The following POP1 variants were observed in gnomAD, a reference collection of about 807,000 sequenced individuals.
The protein encoded by POP1 is POP1 ribonuclease P/MRP subunit, also known as ribonucleases P/MRP protein subunit POP1.
A neutral mutation model predicts 102.2 loss-of-function variants in POP1; 75 were observed. The ratio of observed to expected loss-of-function variants is 0.73; its 90% CI spans 0.61 to 0.89. The LOEUF is 0.89. Among genes scored for constraint, POP1 ranks in the 40% least tolerant of loss-of-function variants. The pLI is 0.00. For missense variants in POP1, 1,116 were observed against 1,267.4 expected (o/e 0.88, Z 1.81); for synonymous variants, 436 against 464.1 (o/e 0.94, Z 0.78).
chr8:98,141,285 C>T (rs1031208434), intron 11 of POP1, among the ~76,000 whole-genome samples: 1 of 151,942 alleles, frequency 6.6e-6, no homozygotes, highest in East Asian at 1.9e-4. Context: ...GATCCAGGTT[C>T]GAATCCTGGC....
intron 12 of POP1, among the ~76,000 whole-genome samples, chr8:98,148,446 T>C (rs1809417677): frequency 6.6e-6 from 1 of 152,226 alleles, no homozygotes; most frequent in Admixed American, 6.5e-5. Flanking sequence ...TAGTTGCCCA[T>C]CCTTGAGAAG....
intron 11 of POP1, among the ~76,000 whole-genome samples, chr8:98,145,497 A>G (rs1335314861): frequency 3.3e-5 from 5 of 152,200 alleles, no homozygotes; most frequent in South Asian, 2.1e-4. Context: ...CCTTCTATCA[A>G]TATAGAAGTT....
intron 5 of POP1, among the ~76,000 whole-genome samples, chr8:98,133,154 C>T (rs1433963232): frequency 6.6e-6 from 1 of 151,882 alleles, no homozygotes; most frequent in Non-Finnish European, 1.5e-5. Flanking sequence ...GAAGTTGAGA[C>T]TTCTGTGAGC....
intron 14 of POP1, among the ~76,000 whole-genome samples, chr8:98,155,242 A>C (rs775141172): frequency 6.6e-5 from 10 of 152,192 alleles, no homozygotes; most frequent in Non-Finnish European, 1.0e-4. Flanking sequence ...AGACCAAAGA[A>C]AACAAAAAAG....
In POP1 at chr8:98,127,775, A is replaced by G. The variant is rs377601251; in HGVS notation, c.310+13A>G. On this transcript the variant is annotated intron_variant, in intron 3 of 15. Coordinates refer to ENST00000401707, the MANE Select transcript of POP1 (RefSeq NM_001145860.2). Reference sequence around the variant, plus strand: ...AAGTATATAACTGGTGGGTACTCATAAAGAGGTGCAGTTTGCTTGTATTTT... The same window carrying G: ...AAGTATATAACTGGTGGGTACTCATGAAGAGGTGCAGTTTGCTTGTATTTT... 6 of 1,612,998 alleles carry G rather than the reference A, an allele frequency of 3.7e-6. No individual in the cohort carries two copies. The East Asian group carries it at 1.3e-4, about 36-fold the overall frequency.
chr8:98,154,391 G>A (rs1451945418), intron 14 of POP1, among the ~76,000 whole-genome samples: 1 of 152,204 alleles, frequency 6.6e-6, no homozygotes, highest in African/African-American at 2.4e-5. Context: ...CGAGCCGCAG[G>A]GAGGTGCTAG....
intron 8 of POP1, 34 bp downstream of exon 8, chr8:98,136,772 A>T: frequency 6.2e-7 from 1 of 1,612,368 alleles, no homozygotes; most frequent in African/African-American, 1.3e-5. Flanking sequence ...CCTACTGAAC[A>T]TTTTCAGTGA....
At chr8:98,117,979 A>G (rs1219045048) in intron 1 of POP1, 1 of 152,096 alleles carries the variant, frequency 6.6e-6, no homozygotes, top group Non-Finnish European at 1.5e-5. Context: ...ACTCATAGAT[A>G]TATGAGTCCC....
chr8:98,156,190 G>A lies in POP1; in HGVS notation c.2198G>A (p.Gly733Asp), dbSNP rs753006057. ...CCTTCTGTAGCTTCATCTCCAAATG[G>A]TAAGGAGAGTGACCTAAGAAGATCT... is the stretch of plus-strand genomic sequence containing the variant. ...EEPSVASSPN[G>D]KESDLRRSEV... The change falls in exon 15 of 16, where the codon GGT becomes GAT. Residue 733 changes from glycine to aspartate, a missense_variant. Transcript: ENST00000401707. The A allele has an allele frequency of 2.5e-6, 4 of 1,614,050 alleles. No homozygotes were observed. In the Admixed American group the frequency reaches 6.7e-5, roughly 27 times the overall value.
chr8:98,145,484 G>A (rs539824630), intron 11 of POP1, among the ~76,000 whole-genome samples: 1 of 152,304 alleles, frequency 6.6e-6, no homozygotes, highest in African/African-American at 2.4e-5. Context: ...CATGTAGGAA[G>A]TTCCTTCTAT....
rs754188245 is a variant in POP1, at chr8:98,158,056, C to T, written c.2860C>T (p.Arg954Cys). ...AGGGCTGTGGTCAGGCCCTCTGCCG[C>T]GTGTGACGTTGCACTGCTCCAGAAC... ...TLGLWSGPLP[R>C]VTLHCSRTLL... The change falls in exon 16 of 16, where the codon CGT becomes TGT. Residue 954 changes from arginine to cysteine, a missense_variant. Physicochemically the swap from Arg to Cys is radical, Grantham distance 180. Coordinates refer to ENST00000401707, the MANE Select transcript of POP1 (RefSeq NM_001145860.2). 26 of 1,609,746 alleles carry T rather than the reference C, an allele frequency of 1.6e-5. 1 individual carries two copies. The highest frequency in any genetic ancestry group is 1.3e-4 in the South Asian group (12 of 91,074).
chr8:98,154,010 T>C (rs567284481), intron 14 of POP1, among the ~76,000 whole-genome samples: 53 of 152,262 alleles, frequency 3.5e-4, no homozygotes, highest in African/African-American at 1.2e-3. Context: ...ACACTCCTGA[T>C]TGTGACTGTC....
rs59930167 is a variant in POP1 at position 98,132,901 on chromosome 8, C to G, written c.736-1048C>G. Among the ~76,000 whole-genome samples the G allele has an allele frequency of 3.0e-4, 25 of 83,758 alleles. No individual in the cohort carries two copies. The East Asian group carries it at 8.5e-3, about 29-fold the overall frequency. The allele number at this position is 83,758 out of a possible 152,430, so 54.9% of individuals were successfully genotyped here. On this transcript the variant is annotated intron_variant, in intron 5 of 15. Coordinates refer to ENST00000401707, the MANE Select transcript of POP1 (RefSeq NM_001145860.2). ...TCTGGGCAACATAGTGAGACTCTGT[C>G]TCTGCAAAAAAAAAAAAAAAAAAAA... is the stretch of plus-strand genomic sequence containing the variant.
Position 98,128,348 on chromosome 8 carries a change from G to T in POP1, c.311-17G>T, listed in dbSNP as rs1192826448. On this transcript the variant is annotated splice_polypyrimidine_tract_variant and intron_variant, in intron 3 of 15. Coordinates refer to ENST00000401707, the MANE Select transcript of POP1 (RefSeq NM_001145860.2). Reference sequence around the variant, plus strand: ...TTCAAGATTGGTGTTTAATGACTTTGTCATCTCCTTCAACAGCTTCTACTT... The same window carrying T: ...TTCAAGATTGGTGTTTAATGACTTTTTCATCTCCTTCAACAGCTTCTACTT... 3 of 1,612,898 alleles carry T rather than the reference G, an allele frequency of 1.9e-6. No homozygotes were observed. The highest frequency in any genetic ancestry group is 2.5e-6 in the Non-Finnish European group (3 of 1,179,616).
intron 14 of POP1, chr8:98,155,838 G>A (rs951029316): frequency 2.8e-5 from 15 of 538,700 alleles, no homozygotes; most frequent in Non-Finnish European, 4.6e-5. Flanking sequence ...GCCTCCTAAA[G>A]TGCTGGGATT....
chr8:98,130,159 G>C lies in POP1; in HGVS notation c.668G>C (p.Gly223Ala), dbSNP rs766856891. 23 of 1,614,170 alleles carry C rather than the reference G, an allele frequency of 1.4e-5. No individual in the cohort carries two copies. The highest frequency in any genetic ancestry group is 1.8e-5 in the Non-Finnish European group (21 of 1,180,030). The change falls in exon 5 of 16, where the codon GGG becomes GCG. Residue 223 changes from glycine (G) to alanine (A), a missense_variant. By Grantham distance (60) the Gly-to-Ala change is moderately conservative. Coordinates refer to ENST00000401707, the MANE Select transcript of POP1 (RefSeq NM_001145860.2). The part of the protein sequence containing the change: ...HMVKKWGYCL[G>A]ERPTVKSHRA... ...GTCAAGAAGTGGGGCTACTGCCTTG[G>C]GGAGAGGCCAACAGTCAAGAGCCAC...
At chr8:98,140,697 AT>A in intron 10 of POP1, 71 bp from the exon 11 acceptor site, 1 of 1,520,854 alleles carries the variant, frequency 6.6e-7, no homozygotes, top group South Asian at 1.1e-5. Context: ...AATCTGAAAG[AT>A]TTAAAAATAC....
chr8:98,121,987 C>T (rs980668189), intron 1 of POP1, among the ~76,000 whole-genome samples: 1 of 151,802 alleles, frequency 6.6e-6, no homozygotes, highest in Admixed American at 6.6e-5. Flanking sequence ...GCCCGGCCCA[C>T]CCAACTAATT....
intron 5 of POP1, 91 bp from the exon 6 acceptor site, chr8:98,133,858 T>C (rs1816452978): frequency 1.1e-6 from 1 of 934,046 alleles, no homozygotes. Context: ...GTCTTAGGCC[T>C]CTAAAGGTTT....
Sources: gnomAD v4.1 joint callset for allele counts (sites outside exome capture counted in the v4.1 genomes callset) on GRCh38, gnomAD v4.1.1 for gene constraint, MANE v1.5 for transcripts, NCBI Gene and HGNC (gene_info 2026-07-23, HGNC 2026-07-21) for gene names.